Variants in RGP1 observed in about 807,000 individuals in gnomAD.
RGP1 encodes the protein RAB6A-GEF complex partner protein 2.
In RGP1, 28 loss-of-function variants were observed where a neutral mutation model predicts 44.5. That is an observed-to-expected ratio of 0.63 (90% CI 0.47 to 0.86). The LOEUF (loss-of-function observed/expected upper bound fraction) is 0.86, where lower values mean the gene tolerates loss of function less well. RGP1 is among the 40% of genes least tolerant of loss of function. The pLI is 0.00. For missense variants in RGP1, 417 were observed against 490.7 expected (o/e 0.85, Z 1.42); for synonymous variants, 212 against 196.7 (o/e 1.08, Z -0.65).
the RGP1 span, among the ~76,000 whole-genome samples, chr9:35,769,374 AT>A: frequency 6.6e-6 from 1 of 151,118 alleles, no homozygotes; most frequent in African/African-American, 2.5e-5. Context: ...TTTGTCATTC[AT>A]TTTTTTTCTC....
chr9:35,751,150 ACCT>A, intron 5 of RGP1, 113 bp from the exon 6 acceptor site: 1 of 1,462,486 alleles, frequency 6.8e-7, no homozygotes, highest in Non-Finnish European at 9.4e-7. Flanking sequence ...AGAGATGTAA[ACCT>A]CAGCCCTGGC....
rs758384477 is a variant in RGP1 at position 35,752,828 on chromosome 9, C to T, written c.1130C>T (p.Ala377Val). The change falls in exon 9 of 9, where the codon GCC becomes GTC. Residue 377 changes from alanine (A) to valine (V), a missense_variant. Physicochemically the swap from Ala to Val is moderately conservative, Grantham distance 64 (BLOSUM62 0). Coordinates refer to ENST00000378078, the MANE Select transcript of RGP1 (RefSeq NM_001080496.3). ...IKVLPTSPTLASYAAPGPSTS... is the reference protein window; with the variant it reads ...IKVLPTSPTLVSYAAPGPSTS... The stretch of plus-strand genomic sequence containing the variant: ...GTGCTGCCTACTAGCCCCACCCTGG[C>T]CTCATATGCTGCCCCAGGCCCCAGC... 6.2e-7 allele frequency: 1 copy of T among 1,613,876 alleles called. No homozygotes were observed. The highest frequency in any genetic ancestry group is 8.5e-7 in the Non-Finnish European group (1 of 1,179,860).
Position 35,753,542 on chromosome 9 carries a change from G to T in RGP1, c.*668G>T. The stretch of plus-strand genomic sequence containing the variant: ...CACTAGTGTTGGTCCCTTCAGGTTT[G>T]GCCCATCTTGTATTGCTCTTCTGTT... On this transcript the variant is annotated 3_prime_UTR_variant, in exon 9 of 9. Transcript: ENST00000378078. This position sits in a 1 kb window ranked among gnomAD's most constrained non-coding sequence, Gnocchi z 4.2. 1.1e-6 allele frequency: 1 copy of T among 903,450 alleles called. No homozygotes were observed. The highest frequency in any genetic ancestry group is 1.7e-6 in the Non-Finnish European group (1 of 578,472). The allele number at this position is 903,450 out of a possible 1,614,324, so 56.0% of individuals were successfully genotyped here.
downstream of RGP1, among the ~76,000 whole-genome samples, chr9:35,762,863 G>GT (rs1200085793): frequency 2.0e-5 from 3 of 150,006 alleles, no homozygotes; most frequent in Admixed American, 1.3e-4. Context: ...CAGTTCTGCT[G>GT]TTAAAAAAAA....
At chr9:35,766,603 AG>A in the RGP1 span, among the ~76,000 whole-genome samples, 1 of 152,158 alleles carries the variant, frequency 6.6e-6, no homozygotes, top group Non-Finnish European at 1.5e-5. Flanking sequence ...TATATCTAAA[AG>A]TTTTATGATT....
the RGP1 span, among the ~76,000 whole-genome samples, chr9:35,767,692 C>A: frequency 6.6e-6 from 1 of 152,136 alleles, no homozygotes; most frequent in African/African-American, 2.4e-5. Context: ...ATTCCTTTAT[C>A]ATCTATCCAT....
the RGP1 span, among the ~76,000 whole-genome samples, chr9:35,768,340 A>T: frequency 6.7e-6 from 1 of 149,652 alleles, no homozygotes; most frequent in East Asian, 2.0e-4. Context: ...GGGATTACAG[A>T]TGTGAGCCAC....
chr9:35,782,900 C>T, the RGP1 span, among the ~76,000 whole-genome samples: 2 of 150,532 alleles, frequency 1.3e-5, no homozygotes, highest in Admixed American at 6.6e-5. Context: ...CCTCCCCCTC[C>T]CCGGTTCAAG....
At chr9:35,772,375 T>C in the RGP1 span, 2 of 152,298 alleles carry the variant, frequency 1.3e-5, no homozygotes, top group East Asian at 1.9e-4. Flanking sequence ...ATAGAAACCA[T>C]GGTAAGAGTT....
the RGP1 span, chr9:35,780,535 C>T: frequency 6.6e-6 from 1 of 152,178 alleles, no homozygotes; most frequent in Non-Finnish European, 1.5e-5. Context: ...ATCCATTGTT[C>T]CACCTTTCCC....
chr9:35,786,611 T>C, the RGP1 span: 1 of 152,220 alleles, frequency 6.6e-6, no homozygotes, highest in African/African-American at 2.4e-5. Context: ...ATGTATGTGG[T>C]TGCTTCTCCT....
chr9:35,766,110 A>T, the RGP1 span, among the ~76,000 whole-genome samples: 1 of 149,224 alleles, frequency 6.7e-6, no homozygotes. Flanking sequence ...GATTATAGGC[A>T]TGAGCCACCG....
Position 35,753,474 on chromosome 9 carries a change from A to G in RGP1, c.*600A>G. 1 of 770,746 alleles carries G rather than the reference A, an allele frequency of 1.3e-6. No individual in the cohort carries two copies. The highest frequency in any genetic ancestry group is 1.9e-5 in the South Asian group (1 of 53,126). 47.7% of individuals were successfully genotyped at this position (770,746 alleles called of 1,614,324 possible). On this transcript the variant is annotated 3_prime_UTR_variant, in exon 9 of 9. Transcript: ENST00000378078. The surrounding 1 kb of genome is among the most constrained non-coding windows in gnomAD (Gnocchi z 4.2). ...ACAGGAGTATTTTCTCTCCAGGTCC[A>G]CCCCAACCTCCCCTGATTTATAGCC...
chr9:35,777,008 A>T, the RGP1 span, among the ~76,000 whole-genome samples: 1 of 151,346 alleles, frequency 6.6e-6, no homozygotes, highest in African/African-American at 2.4e-5. Context: ...AAAAAAAAAA[A>T]AATTTGCTTT....
intron 8 of RGP1, 74 bp from the exon 9 acceptor site, chr9:35,752,577 C>A: frequency 1.6e-6 from 2 of 1,234,596 alleles, no homozygotes; most frequent in Non-Finnish European, 2.3e-6. Flanking sequence ...TTCTCATTCA[C>A]TAACTATATC....
chr9:35,779,714 G>T, the RGP1 span, among the ~76,000 whole-genome samples: 1 of 152,158 alleles, frequency 6.6e-6, no homozygotes, highest in African/African-American at 2.4e-5. Flanking sequence ...ACCTTCTAAA[G>T]AACTCACATA....
the RGP1 span, among the ~76,000 whole-genome samples, chr9:35,775,381 G>A: frequency 6.6e-6 from 1 of 152,138 alleles, no homozygotes; most frequent in Admixed American, 6.5e-5. Context: ...AGTGCAAGGG[G>A]CAGGGTAACT....
the RGP1 span, among the ~76,000 whole-genome samples, chr9:35,783,663 T>C: frequency 6.6e-6 from 1 of 152,166 alleles, no homozygotes; most frequent in Non-Finnish European, 1.5e-5. Context: ...ACTGTGTAAA[T>C]ATACCACATT....
At chr9:35,781,186 A>G in the RGP1 span, among the ~76,000 whole-genome samples, 1 of 151,926 alleles carries the variant, frequency 6.6e-6, no homozygotes, top group East Asian at 1.9e-4. Flanking sequence ...ATGGGCATAG[A>G]ATAACATGAC....
Sources: gnomAD v4.1 joint callset for allele counts (sites outside exome capture counted in the v4.1 genomes callset) on GRCh38, gnomAD v4.1.1 for gene constraint, Gnocchi (gnomAD v3.1) non-coding constraint, MANE v1.5 for transcripts, NCBI Gene and HGNC (gene_info 2026-07-23, HGNC 2026-07-21) for gene names.